Variants in KCNT2 observed in about 807,000 individuals in gnomAD.
KCNT2 encodes the protein potassium sodium-activated channel subfamily T member 2, also known as potassium channel subfamily T member 2.
KCNT2 carries 67 observed loss-of-function variants against 153.8 expected under a neutral mutation model. That is an observed-to-expected ratio of 0.44 (90% CI 0.36 to 0.53). The LOEUF (loss-of-function observed/expected upper bound fraction) is 0.53, where lower values mean the gene tolerates loss of function less well. Ranked by LOEUF, KCNT2 falls within the 20% of genes least tolerant of loss-of-function variation. The pLI is 0.00. For synonymous variants in KCNT2, 500 were observed against 458.8 expected (o/e 1.09, Z -1.15); for missense variants, 975 against 1,354.8 (o/e 0.72, Z 4.40).
intron 12 of KCNT2, among the ~76,000 whole-genome samples, chr1:196,413,115 A>G (rs2148490016): frequency 6.6e-6 from 1 of 151,820 alleles, no homozygotes; most frequent in South Asian, 2.1e-4. Flanking sequence ...TATACATGTC[A>G]TTATTATTAT....
chr1:196,476,179 G>A (rs377219994), intron 5 of KCNT2, among the ~76,000 whole-genome samples: 3 of 152,250 alleles, frequency 2.0e-5, no homozygotes, highest in East Asian at 3.9e-4. Flanking sequence ...TTCAAATGCA[G>A]ATTAATATTT....
chr1:196,591,490 A>G (rs1317791745), intron 1 of KCNT2, among the ~76,000 whole-genome samples: 2 of 152,108 alleles, frequency 1.3e-5, no homozygotes, highest in African/African-American at 4.8e-5. Flanking sequence ...CAACACCTAT[A>G]TGATGAAATG....
chr1:196,315,344 C>A (rs1212002853), intron 21 of KCNT2, among the ~76,000 whole-genome samples: 1 of 151,562 alleles, frequency 6.6e-6, no homozygotes, highest in Non-Finnish European at 1.5e-5. Context: ...GGATTGTTTA[C>A]TCTTACCCAA....
At chr1:196,525,708 T>C (rs749743163) in intron 1 of KCNT2, among the ~76,000 whole-genome samples, 1 of 152,220 alleles carries the variant, frequency 6.6e-6, no homozygotes, top group Non-Finnish European at 1.5e-5. Context: ...GGCAGTACTG[T>C]TACGAGGCTG....
intron 1 of KCNT2, among the ~76,000 whole-genome samples, chr1:196,528,401 T>C (rs1251977309): frequency 6.6e-6 from 1 of 152,180 alleles, no homozygotes; most frequent in African/African-American, 2.4e-5. Flanking sequence ...GCCATTTCCA[T>C]TGAAAAAATA....
At chr1:196,566,478 T>C (rs1416919333) in intron 1 of KCNT2, among the ~76,000 whole-genome samples, 1 of 152,060 alleles carries the variant, frequency 6.6e-6, no homozygotes, top group East Asian at 1.9e-4. Flanking sequence ...AGTAGGAACA[T>C]GGCAATTGTG....
intron 26 of KCNT2, among the ~76,000 whole-genome samples, chr1:196,253,963 A>C (rs1656231132): frequency 6.6e-6 from 1 of 151,546 alleles, no homozygotes; most frequent in Non-Finnish European, 1.5e-5. Flanking sequence ...AGTGCAATTA[A>C]GTATGGTGAG....
intron 16 of KCNT2, among the ~76,000 whole-genome samples, chr1:196,337,588 A>T (rs1306980202): frequency 6.6e-6 from 1 of 152,078 alleles, no homozygotes; most frequent in East Asian, 1.9e-4. Flanking sequence ...TGTTTGAGGC[A>T]CAAAGGGCCC....
chr1:196,305,563 A>G (rs1168915087), intron 21 of KCNT2, among the ~76,000 whole-genome samples: 1 of 152,158 alleles, frequency 6.6e-6, no homozygotes. Context: ...AATAAGAAAA[A>G]TAAATTCAGT....
At chr1:196,261,437 G>A (rs1274193261) in intron 25 of KCNT2, among the ~76,000 whole-genome samples, 2 of 151,866 alleles carry the variant, frequency 1.3e-5, no homozygotes, top group African/African-American at 2.4e-5. Context: ...AAAAGGCATA[G>A]TAAGATGTCT....
chr1:196,528,910 C>T (rs912342166), intron 1 of KCNT2, among the ~76,000 whole-genome samples: 1 of 151,962 alleles, frequency 6.6e-6, no homozygotes, highest in African/African-American at 2.4e-5. Context: ...ATTAGATTGC[C>T]CCATGCCTTT....
At chr1:196,429,543 A>T in intron 9 of KCNT2, 34 bp downstream of exon 9, 1 of 1,455,716 alleles carries the variant, frequency 6.9e-7, no homozygotes, top group South Asian at 1.3e-5. Flanking sequence ...ATGTCTCTGT[A>T]CATTTCTATG....
chr1:196,389,243 G>A (rs1670265826), intron 13 of KCNT2, among the ~76,000 whole-genome samples: 1 of 151,658 alleles, frequency 6.6e-6, no homozygotes, highest in Non-Finnish European at 1.5e-5. Context: ...CTACTGATTT[G>A]TTGGAAGATT....
intron 14 of KCNT2, among the ~76,000 whole-genome samples, chr1:196,354,157 C>G (rs1199961518): frequency 6.6e-6 from 1 of 151,622 alleles, no homozygotes; most frequent in Non-Finnish European, 1.5e-5. Context: ...TGCCATCACA[C>G]TAGAGGTAAA....
rs1371994086 is a variant in KCNT2, at chr1:196,466,755, G to T, written c.543+948C>A. Among the ~76,000 whole-genome samples, 7 of 151,970 alleles carry T rather than the reference G, an allele frequency of 4.6e-5. No individual in the cohort carries two copies. In the East Asian group the frequency reaches 1.2e-3, roughly 25 times the overall value. On this transcript the variant is annotated intron_variant, in intron 7 of 27. Transcript: ENST00000294725. ...AGTTAGATCATTTGCCCATCACATT[G>T]TTCAGTATATAGTGAACATGTATTA...
chr1:196,449,392 G>C (rs191817842), intron 8 of KCNT2, among the ~76,000 whole-genome samples: 9 of 151,542 alleles, frequency 5.9e-5, no homozygotes, highest in Non-Finnish European at 1.0e-4. Context: ...TAACAGACAG[G>C]CTCTGTAAAA....
chr1:196,547,268 C>A (rs10922083), intron 1 of KCNT2, among the ~76,000 whole-genome samples: 1 of 151,500 alleles, frequency 6.6e-6, no homozygotes, highest in Non-Finnish European at 1.5e-5. Context: ...CAATTATACC[C>A]CTAAATAGGA....
At chr1:196,314,977 A>T (rs1434386024) in intron 21 of KCNT2, among the ~76,000 whole-genome samples, 1 of 151,764 alleles carries the variant, frequency 6.6e-6, no homozygotes, top group African/African-American at 2.4e-5. Flanking sequence ...TTTGCCTAAG[A>T]TCATACTAAA....
chr1:196,363,746 A>G (rs1457525594), intron 14 of KCNT2, among the ~76,000 whole-genome samples: 1 of 152,144 alleles, frequency 6.6e-6, no homozygotes, highest in African/African-American at 2.4e-5. Flanking sequence ...GGACTCCCCA[A>G]GAAAATAAAT....
Sources: gnomAD v4.1 joint callset for allele counts (sites outside exome capture counted in the v4.1 genomes callset) on GRCh38, gnomAD v4.1.1 for gene constraint, MANE v1.5 for transcripts, NCBI Gene and HGNC (gene_info 2026-07-23, HGNC 2026-07-21) for gene names.